CLVS1: variants seen among roughly 807,000 people sequenced by gnomAD.
CLVS1 encodes the protein clavesin 1.
A neutral mutation model predicts 33.1 loss-of-function variants in CLVS1; 10 were observed. The ratio of observed to expected loss-of-function variants is 0.30; its 90% confidence interval spans 0.19 to 0.51. The LOEUF (loss-of-function observed/expected upper bound fraction) is 0.51. CLVS1 is among the 20% of genes least tolerant of loss of function. The pLI, the probability that CLVS1 is intolerant of heterozygous loss-of-function variation, is 0.97. For synonymous variants in CLVS1, 163 were observed against 166.1 expected (o/e 0.98, Z 0.14); for missense variants, 343 against 433.4 (o/e 0.79, Z 1.85).
intron 1 of CLVS1, among the ~76,000 whole-genome samples, chr8:61,117,576 C>T (rs1805754000): frequency 6.7e-6 from 1 of 149,392 alleles, no homozygotes; most frequent in Admixed American, 6.6e-5. Context: ...GAGTTTTTAG[C>T]ATGAAGGGTT....
intron 1 of CLVS1, among the ~76,000 whole-genome samples, chr8:61,112,244 G>T (rs948494084): frequency 6.7e-6 from 1 of 148,526 alleles, no homozygotes; most frequent in African/African-American, 2.5e-5. Context: ...AGAGAGAGAG[G>T]TTCATATTAT....
intron 2 of CLVS1, among the ~76,000 whole-genome samples, chr8:61,364,089 G>A (rs1167689326): frequency 3.3e-5 from 5 of 152,190 alleles, no homozygotes; most frequent in Admixed American, 2.0e-4. Flanking sequence ...AGAAGTGTTG[G>A]TAGCATTTGC....
At chr8:61,479,850 C>T (rs1452389718) in intron 5 of CLVS1, among the ~76,000 whole-genome samples, 1 of 152,216 alleles carries the variant, frequency 6.6e-6, no homozygotes, top group Non-Finnish European at 1.5e-5. Context: ...GAAGTCCACT[C>T]CAGACCCTGT....
At chr8:61,459,276 C>T (rs1165077928) in intron 5 of CLVS1, among the ~76,000 whole-genome samples, 1 of 151,758 alleles carries the variant, frequency 6.6e-6, no homozygotes, top group Non-Finnish European at 1.5e-5. Context: ...CAATGGAGTG[C>T]CATAAAAGAG....
chr8:61,098,292 T>A (rs1193864075), intron 1 of CLVS1, among the ~76,000 whole-genome samples: 1 of 151,874 alleles, frequency 6.6e-6, no homozygotes, highest in Non-Finnish European at 1.5e-5. Context: ...CACCTCAGAG[T>A]GTTAATGGAA....
chr8:61,334,689 A>C (rs1043889927), intron 2 of CLVS1, among the ~76,000 whole-genome samples: 1 of 152,088 alleles, frequency 6.6e-6, no homozygotes, highest in Admixed American at 6.5e-5. Context: ...GATACAGAGG[A>C]GAGGCACTTT....
At chr8:61,162,694 T>C (rs1806776084) in intron 2 of CLVS1, among the ~76,000 whole-genome samples, 1 of 151,574 alleles carries the variant, frequency 6.6e-6, no homozygotes, top group Admixed American at 6.5e-5. Flanking sequence ...CTTCCAGAAA[T>C]GGCCTTTGTT....
At chr8:61,121,668 G>A (rs987476717) in intron 1 of CLVS1, among the ~76,000 whole-genome samples, 1 of 152,172 alleles carries the variant, frequency 6.6e-6, no homozygotes, top group Admixed American at 6.5e-5. Flanking sequence ...TGAAATCAAA[G>A]AGAGATGCTG....
At chr8:61,035,926 G>A in the CLVS1 span, among the ~76,000 whole-genome samples, 1 of 151,986 alleles carries the variant, frequency 6.6e-6, no homozygotes, top group Non-Finnish European at 1.5e-5. Flanking sequence ...ACACTTTTGC[G>A]TGCACCTGAT....
intron 2 of CLVS1, among the ~76,000 whole-genome samples, chr8:61,301,989 G>A (rs141156004): frequency 3.6e-4 from 55 of 152,138 alleles, no homozygotes; most frequent in African/African-American, 1.2e-3. Context: ...TATGTTTCAC[G>A]GGGAGACATG....
chr8:61,275,525 T>C (rs1374874247), intron 2 of CLVS1, among the ~76,000 whole-genome samples: 1 of 152,298 alleles, frequency 6.6e-6, no homozygotes, highest in East Asian at 1.9e-4. Context: ...ATTTAGGTCG[T>C]TAATATAACA....
chr8:61,319,921 A>C (rs1205629489), intron 2 of CLVS1, among the ~76,000 whole-genome samples: 1 of 152,128 alleles, frequency 6.6e-6, no homozygotes, highest in Non-Finnish European at 1.5e-5. Context: ...TTAATAAAAA[A>C]GTTATGCCTT....
chr8:61,105,317 C>T (rs1179869826), intron 1 of CLVS1, among the ~76,000 whole-genome samples: 3 of 152,208 alleles, frequency 2.0e-5, no homozygotes, highest in African/African-American at 7.2e-5. Flanking sequence ...TACATGCACA[C>T]ACACACAATT....
At chr8:61,203,160 A>C (rs1807772653) in intron 2 of CLVS1, 11 of 1,149,318 alleles carry the variant, frequency 9.6e-6, no homozygotes, top group Non-Finnish European at 1.4e-5. Context: ...AATTACGTGA[A>C]GAATTGCTTC....
intron 2 of CLVS1, among the ~76,000 whole-genome samples, chr8:61,345,392 C>T (rs1402212152): frequency 2.6e-5 from 4 of 152,078 alleles, no homozygotes; most frequent in African/African-American, 9.7e-5. Context: ...TCAAGAATCC[C>T]AATACGACAA....
intron 5 of CLVS1, chr8:61,465,130 C>T (rs1217526615): frequency 2.0e-5 from 3 of 152,310 alleles, no homozygotes; most frequent in Admixed American, 2.0e-4. Context: ...TTAAAAAGCA[C>T]TTGCTTATTC....
At chr8:61,202,646 T>C in intron 2 of CLVS1, 2 of 1,527,330 alleles carry the variant, frequency 1.3e-6, no homozygotes, top group South Asian at 1.1e-5. Flanking sequence ...CCACCAGTAG[T>C]CTTAAGGTTG....
At chr8:61,037,005 C>G in the CLVS1 span, among the ~76,000 whole-genome samples, 1 of 152,158 alleles carries the variant, frequency 6.6e-6, no homozygotes, top group Non-Finnish European at 1.5e-5. Flanking sequence ...TAAATTACAG[C>G]TAGAATACAA....
exon 2 of CLVS1, chr8:61,131,806 G>A (rs1806103754): frequency 6.6e-6 from 1 of 152,094 alleles, no homozygotes; most frequent in African/African-American, 2.4e-5. Flanking sequence ...GGAGAATGAA[G>A]GCTCTGGGAA....
Sources: allele counts gnomAD v4.1 joint callset (sites outside exome capture counted in the v4.1 genomes callset), GRCh38; gene constraint gnomAD v4.1.1; transcripts MANE v1.5; gene names NCBI Gene and HGNC (gene_info 2026-07-23, HGNC 2026-07-21).